The following EPHA5 variants were observed in gnomAD, a reference collection of about 807,000 sequenced individuals.
EPHA5 encodes ephrin type-A receptor 5.
Under a neutral mutation model 105.0 loss-of-function variants are expected in EPHA5, and 60 were observed. The observed-to-expected ratio is 0.57, with a 90% CI of 0.46 to 0.71. The LOEUF (loss-of-function observed/expected upper bound fraction) is 0.71, where lower values mean the gene tolerates loss of function less well. Among genes scored for constraint, EPHA5 ranks in the 30% least tolerant of loss-of-function variants. EPHA5 has a pLI of 0.00. For missense variants in EPHA5, 1,218 were observed against 1,274.7 expected, an observed-to-expected ratio of 0.96 and a Z score of 0.68; for synonymous variants, 513 against 449.1, an observed-to-expected ratio of 1.14 and a Z score of -1.80.
At chr4:65,406,719 A>AT (rs977893169) in intron 7 of EPHA5, among the ~76,000 whole-genome samples, 10 of 152,018 alleles carry the variant, frequency 6.6e-5, no homozygotes, top group Admixed American at 2.6e-4. Context: ...GAATCCTTTC[A>AT]TTTTTTTAGA....
At chr4:65,511,091 A>G (rs1733578516) in intron 3 of EPHA5, among the ~76,000 whole-genome samples, 2 of 152,284 alleles carry the variant, frequency 1.3e-5, no homozygotes, top group African/African-American at 4.8e-5. Context: ...ACACCAAGAA[A>G]TGAATGACTG....
rs949217544 is a variant in EPHA5, at chr4:65,323,695, A to C, written c.*419T>G. 8.7e-6 allele frequency: 2 copies of C among 230,826 alleles called. No homozygotes were observed. Among genetic ancestry groups the C allele is most frequent in the African/African-American group, 4.4e-5 (2 of 45,166 alleles). The allele number at this position is 230,826 out of a possible 1,614,324, so 14.3% of individuals were successfully genotyped here. A position where few individuals can be genotyped will look rare whatever the true frequency, so the allele number is the denominator to read the frequency against. ...TTAAGACTTGAAGTAAACTTCAGTA[A>C]ACTGTAGCTTTTGTTAGCTCACAAA... is the stretch of plus-strand genomic sequence containing the variant. On this transcript the variant is annotated 3_prime_UTR_variant, in exon 17 of 17. Transcript: ENST00000613740.
intron 2 of EPHA5, among the ~76,000 whole-genome samples, chr4:65,619,975 A>G (rs1001161163): frequency 2.0e-5 from 3 of 151,026 alleles, no homozygotes; most frequent in African/African-American, 7.3e-5. Flanking sequence ...CTCAATTTGA[A>G]TGACCCAGAA....
chr4:65,365,097 C>A lies in EPHA5; in HGVS notation c.2093G>T (p.Arg698Ile). Residue 698 changes from arginine (R) to isoleucine (I), a missense_variant, in exon 11 of 17, where the codon AGA becomes ATA. This residue lies in a region of EPHA5 where 971 missense variants were observed against 1,013.5 expected (regional missense o/e 0.96). Coordinates refer to ENST00000613740, the MANE Select transcript of EPHA5 (RefSeq NM_001281766.3). The stretch of plus-strand genomic sequence containing the variant: ...GATACTTGCTTCACCTAGGAAATCT[C>A]TGCGTTGCTTTTCAGTATAGCCTAC... ...LKVGYTEKQR[R>I]DFLGEASIMG... The A allele has an allele frequency of 1.2e-6, 2 of 1,611,916 alleles. No individual in the cohort carries two copies. The highest frequency in any genetic ancestry group is 4.5e-5 in the East Asian group (2 of 44,732).
At chr4:65,498,142 A>G (rs1560609789) in intron 3 of EPHA5, among the ~76,000 whole-genome samples, 1 of 151,972 alleles carries the variant, frequency 6.6e-6, no homozygotes, top group Non-Finnish European at 1.5e-5. Flanking sequence ...AATCCTTGCA[A>G]AGGACCACAT....
intron 5 of EPHA5, among the ~76,000 whole-genome samples, chr4:65,475,756 A>T (rs1005828224): frequency 6.6e-6 from 1 of 152,230 alleles, no homozygotes; most frequent in African/African-American, 2.4e-5. Context: ...TTTCTCAGTT[A>T]ATAGATTGTT....
At chr4:65,640,437 C>G (rs1747559386) in intron 2 of EPHA5, among the ~76,000 whole-genome samples, 1 of 151,994 alleles carries the variant, frequency 6.6e-6, no homozygotes, top group Non-Finnish European at 1.5e-5. Flanking sequence ...AGGCGCCCAC[C>G]ACCACGCCCA....
intron 8 of EPHA5, among the ~76,000 whole-genome samples, chr4:65,369,500 T>C (rs1718247463): frequency 6.6e-6 from 1 of 152,166 alleles, no homozygotes; most frequent in Non-Finnish European, 1.5e-5. Flanking sequence ...TAAATGAAGT[T>C]TCTATTACAC....
intron 3 of EPHA5, among the ~76,000 whole-genome samples, chr4:65,551,886 G>A (rs929372959): frequency 5.3e-5 from 8 of 151,984 alleles, no homozygotes; most frequent in African/African-American, 1.4e-4. Context: ...AATAAATTAC[G>A]TTAAAATTTT....
chr4:65,487,923 G>A (rs928962009), intron 5 of EPHA5, among the ~76,000 whole-genome samples: 12 of 152,146 alleles, frequency 7.9e-5, no homozygotes, highest in African/African-American at 2.4e-4. Flanking sequence ...ACAATTAGAA[G>A]TTTCCATAAT....
chr4:65,507,922 A>T (rs1007210971), intron 3 of EPHA5, among the ~76,000 whole-genome samples: 1 of 150,716 alleles, frequency 6.6e-6, no homozygotes, highest in African/African-American at 2.5e-5. Flanking sequence ...TAGATACCCA[A>T]ATTCCCCACT....
intron 5 of EPHA5, among the ~76,000 whole-genome samples, chr4:65,434,844 C>T (rs1725326403): frequency 1.3e-5 from 2 of 151,860 alleles, no homozygotes; most frequent in Admixed American, 1.3e-4. Flanking sequence ...TTTTTAAGAC[C>T]ATGAAGTACC....
intron 4 of EPHA5, among the ~76,000 whole-genome samples, 190 bp from the exon 5 acceptor site, chr4:65,490,902 T>C (rs1213031700): frequency 6.6e-6 from 1 of 152,224 alleles, no homozygotes; most frequent in Non-Finnish European, 1.5e-5. Flanking sequence ...AAATGACTTA[T>C]CTTGGCATTG....
chr4:65,669,757 C>T lies in EPHA5; in HGVS notation c.-15G>A, dbSNP rs1317893869. 1 of 1,251,486 alleles carries T rather than the reference C, an allele frequency of 8.0e-7. No homozygotes were observed. Among genetic ancestry groups the T allele is most frequent in the Non-Finnish European group, 1.0e-6 (1 of 997,606 alleles). The allele number at this position is 1,251,486 out of a possible 1,614,324, so 77.5% of individuals were successfully genotyped here. On this transcript the variant is annotated 5_prime_UTR_variant, in exon 1 of 17. Coordinates refer to ENST00000613740, the MANE Select transcript of EPHA5 (RefSeq NM_001281766.3). ...GAGCCCCGCATCTTCTCCGAGCCTC[C>T]TCCGGTGCCGCTGTCCCGAGCGGCT...
chr4:65,664,162 G>A (rs764577420), intron 1 of EPHA5, among the ~76,000 whole-genome samples: 5 of 151,808 alleles, frequency 3.3e-5, no homozygotes, highest in African/African-American at 1.2e-4. Context: ...CATGCTAATT[G>A]TTTTGGAAGT....
chr4:65,390,978 C>G (rs1720660852), intron 8 of EPHA5, among the ~76,000 whole-genome samples: 1 of 152,088 alleles, frequency 6.6e-6, no homozygotes, highest in East Asian at 1.9e-4. Context: ...GGTGGAGAGG[C>G]CTCAGGAAAC....
chr4:65,515,199 T>A (rs776490139), intron 3 of EPHA5, among the ~76,000 whole-genome samples: 9 of 152,160 alleles, frequency 5.9e-5, no homozygotes, highest in Non-Finnish European at 1.2e-4. Flanking sequence ...TACACCTCTG[T>A]CACTTTATCT....
intron 3 of EPHA5, among the ~76,000 whole-genome samples, chr4:65,518,923 C>G (rs1433935648): frequency 6.6e-6 from 1 of 152,078 alleles, no homozygotes; most frequent in Non-Finnish European, 1.5e-5. Flanking sequence ...TGAAACTATT[C>G]CAACCAATAG....
intron 3 of EPHA5, chr4:65,574,088 A>T (rs1253458857): frequency 3.4e-5 from 54 of 1,608,388 alleles, no homozygotes; most frequent in Non-Finnish European, 4.5e-5. Flanking sequence ...TAAAAATCCC[A>T]AAACATCTTA....
Sources: gnomAD v4.1 joint callset for allele counts (sites outside exome capture counted in the v4.1 genomes callset) on GRCh38, gnomAD v4.1.1 for gene constraint, gnomAD v4.1.1 regional missense constraint, MANE v1.5 for transcripts, NCBI Gene and HGNC (gene_info 2026-07-23, HGNC 2026-07-21) for gene names.